XPO6: variants seen among roughly 807,000 people sequenced by gnomAD.
XPO6 encodes the protein exportin-6.
Under a neutral mutation model 130.0 loss-of-function variants are expected in XPO6, and 3 were observed. The ratio of observed to expected loss-of-function variants is 0.02; its 90% CI spans 0.01 to 0.06. XPO6 has a LOEUF of 0.06. Among genes scored for constraint, XPO6 ranks in the 10% least tolerant of loss-of-function variants. The pLI is 1.00. For missense variants in XPO6, 970 were observed against 1,393.0 expected (o/e 0.70, Z 4.83); for synonymous variants, 524 against 548.9 (o/e 0.95, Z 0.63).
chr16:28,111,802 C>A lies in XPO6; in HGVS notation c.2341+15G>T. ...TACCTCCTTCCCCAGCTGTCCTAGC[C>A]TAGGGGTCACTTACTGTCATCCAGT... is the stretch of plus-strand genomic sequence containing the variant. On this transcript the variant is annotated intron_variant, in intron 17 of 23. Transcript: ENST00000304658. 2 of 1,613,422 alleles carry A rather than the reference C, an allele frequency of 1.2e-6. No homozygotes were observed. The highest frequency in any genetic ancestry group is 1.7e-6 in the Non-Finnish European group (2 of 1,179,528).
intron 9 of XPO6, among the ~76,000 whole-genome samples, chr16:28,138,735 T>C (rs2042828425): frequency 6.6e-6 from 1 of 152,156 alleles, no homozygotes; most frequent in African/African-American, 2.4e-5. Context: ...AGAAAGCTTC[T>C]TTTGCCCAAC....
At chr16:28,145,760 TG>T (rs1567620072) in intron 9 of XPO6, among the ~76,000 whole-genome samples, 1 of 152,186 alleles carries the variant, frequency 6.6e-6, no homozygotes, top group East Asian at 1.9e-4. Flanking sequence ...CTACCCCCAC[TG>T]GGTTATTTAA....
intron 1 of XPO6, among the ~76,000 whole-genome samples, chr16:28,198,390 TAAC>T (rs2043902329): frequency 1.3e-5 from 2 of 152,056 alleles, no homozygotes; most frequent in Non-Finnish European, 2.9e-5. Flanking sequence ...ATCAGGATAA[TAAC>T]AACTAAGCAA....
Position 28,106,282 on chromosome 16 carries a change from C to T in XPO6, c.2613-68G>A. 3.7e-6 allele frequency: 6 copies of T among 1,607,036 alleles called. No homozygotes were observed. The highest frequency in any genetic ancestry group is 4.3e-6 in the Non-Finnish European group (5 of 1,175,020). ...CTGGGGGCCAGCATGAAAACCCATG[C>T]TGTGGCAAGTGCAGAACAGGAGCAA... On this transcript the variant is annotated intron_variant, in intron 19 of 23. Transcript: ENST00000304658. This position sits in a 1 kb window ranked among gnomAD's most constrained non-coding sequence, Gnocchi z 4.2.
At chr16:28,208,567 A>ACTGAGGT (rs1260441646) in intron 1 of XPO6, among the ~76,000 whole-genome samples, 2 of 152,196 alleles carry the variant, frequency 1.3e-5, no homozygotes, top group African/African-American at 4.8e-5. Flanking sequence ...TACTTAAATA[A>ACTGAGGT]CTGAGGTCTA....
At chr16:28,155,063 T>A (rs2043162439) in intron 7 of XPO6, among the ~76,000 whole-genome samples, 1 of 152,242 alleles carries the variant, frequency 6.6e-6, no homozygotes. Context: ...ACCAATTTTT[T>A]AATTTTAGAA....
intron 5 of XPO6, 36 bp downstream of exon 5, chr16:28,169,713 GC>G (rs1199971825): frequency 5.6e-6 from 9 of 1,607,498 alleles, no homozygotes; most frequent in Non-Finnish European, 7.6e-6. Flanking sequence ...GTGCCTGCGG[GC>G]AGGCCTCTAT....
intron 13 of XPO6, among the ~76,000 whole-genome samples, chr16:28,123,605 A>C (rs73522895): frequency 0.012 from 1,767 of 152,294 alleles, 35 homozygotes; most frequent in African/African-American, 0.041. Context: ...AGCAATGAGA[A>C]AGCAATCAAA....
intron 1 of XPO6, among the ~76,000 whole-genome samples, chr16:28,192,928 C>G (rs2043808254): frequency 6.6e-6 from 1 of 152,086 alleles, no homozygotes; most frequent in Admixed American, 6.5e-5. Flanking sequence ...AGAGAAAGTA[C>G]CAGATTAGAG....
intron 1 of XPO6, among the ~76,000 whole-genome samples, chr16:28,185,973 T>C (rs1009394052): frequency 6.6e-6 from 1 of 152,218 alleles, no homozygotes; most frequent in African/African-American, 2.4e-5. Context: ...GCCCTGACTT[T>C]ATCTGCTCCT....
intron 10 of XPO6, among the ~76,000 whole-genome samples, chr16:28,134,481 T>C (rs1165802584): frequency 3.9e-5 from 6 of 152,178 alleles, no homozygotes; most frequent in African/African-American, 1.4e-4. Flanking sequence ...ATGAGGACAT[T>C]AAGGCTCACA....
intron 12 of XPO6, among the ~76,000 whole-genome samples, chr16:28,128,519 G>A (rs2042605378): frequency 6.6e-6 from 1 of 152,168 alleles, no homozygotes; most frequent in African/African-American, 2.4e-5. Flanking sequence ...CTGAGAACAA[G>A]CTTCTTAAGT....
intron 1 of XPO6, among the ~76,000 whole-genome samples, chr16:28,184,308 C>T (rs1205998957): frequency 6.6e-6 from 1 of 152,126 alleles, no homozygotes; most frequent in African/African-American, 2.4e-5. Context: ...TCAGACAGAT[C>T]TTGACAAACT....
At chr16:28,157,769 CG>C (rs2043206884) in intron 6 of XPO6, among the ~76,000 whole-genome samples, 1 of 152,188 alleles carries the variant, frequency 6.6e-6, no homozygotes, top group Admixed American at 6.5e-5. Context: ...AAATGCCAGA[CG>C]TCAAGTACAA....
At chr16:28,188,555 T>C (rs894465256) in intron 1 of XPO6, among the ~76,000 whole-genome samples, 7 of 151,350 alleles carry the variant, frequency 4.6e-5, no homozygotes, top group Admixed American at 3.3e-4. Context: ...TTACAACACA[T>C]GCGATTAGCA....
At chr16:28,169,460 G>C (rs573712495) in intron 5 of XPO6, among the ~76,000 whole-genome samples, 21 of 152,230 alleles carry the variant, frequency 1.4e-4, no homozygotes, top group African/African-American at 3.6e-4. Flanking sequence ...AACTTACCAT[G>C]CAGTGATCGG....
At chr16:28,146,684 T>C (rs2042988672) in intron 8 of XPO6, among the ~76,000 whole-genome samples, 1 of 152,152 alleles carries the variant, frequency 6.6e-6, no homozygotes, top group Non-Finnish European at 1.5e-5. Context: ...TTCACACATT[T>C]GAATGTAAGG....
rs1555527517 is a variant in XPO6 at position 28,152,072 on chromosome 16, T to TATGTGTG, written c.1224+586_1224+587insCACACAT. On this transcript the variant is annotated intron_variant, in intron 8 of 23. Coordinates refer to ENST00000304658, the MANE Select transcript of XPO6 (RefSeq NM_015171.4). ...CCACATATATAATTTTATATATTTT[T>TATGTGTG]TATGTGTGTGTGTGTGTACACACAC... Among the ~76,000 whole-genome samples the TATGTGTG allele has an allele frequency of 3.4e-5, 4 of 117,146 alleles. No homozygotes were observed. The East Asian group carries it at 9.7e-4, about 28-fold the overall frequency. The allele number at this position is 117,146 out of a possible 152,430, so 76.9% of individuals were successfully genotyped here.
chr16:28,202,702 A>C (rs1225190570), intron 1 of XPO6, among the ~76,000 whole-genome samples: 1 of 152,210 alleles, frequency 6.6e-6, no homozygotes, highest in South Asian at 2.1e-4. Flanking sequence ...TTTAACACAC[A>C]TTTAATTTGA....
Sources: gnomAD v4.1 joint callset for allele counts (sites outside exome capture counted in the v4.1 genomes callset) on GRCh38, gnomAD v4.1.1 for gene constraint, Gnocchi (gnomAD v3.1) non-coding constraint, MANE v1.5 for transcripts, NCBI Gene and HGNC (gene_info 2026-07-23, HGNC 2026-07-21) for gene names.